TRIO: variants seen among roughly 807,000 people sequenced by gnomAD.
TRIO encodes the protein trio Rho guanine nucleotide exchange factor, also known as triple functional domain protein.
A neutral mutation model predicts 351.9 loss-of-function variants in TRIO; 58 were observed. The observed-to-expected ratio is 0.16, with a 90% CI of 0.13 to 0.21. The LOEUF is 0.21. Among genes scored for constraint, TRIO ranks in the 10% least tolerant of loss-of-function variants. The probability of loss-of-function intolerance (pLI) is 1.00; values close to 1 mark genes in which losing one functional copy is unlikely to be tolerated. For synonymous variants in TRIO, 1,758 were observed against 1,595.7 expected, an observed-to-expected ratio of 1.10 and a Z score of -2.42; for missense variants, 3,201 against 4,027.8, an observed-to-expected ratio of 0.79 and a Z score of 5.56.
At chr5:14,496,394 C>T (rs551972049) in intron 49 of TRIO, among the ~76,000 whole-genome samples, 2 of 152,160 alleles carry the variant, frequency 1.3e-5, no homozygotes, top group African/African-American at 2.4e-5. Context: ...CCGGAGAGCA[C>T]GTGGTGCAGG....
In TRIO at chr5:14,509,679, C is replaced by T. The variant is rs1395534558; in HGVS notation, c.*1257C>T. The T allele has an allele frequency of 9.2e-6, 3 of 324,946 alleles. No individual in the cohort carries two copies. The highest frequency in any genetic ancestry group is 4.8e-5 in the Admixed American group (1 of 20,964). The allele number at this position is 324,946 out of a possible 1,614,324, so 20.1% of individuals were successfully genotyped here. ...TGAGCTTTTGGTAAGAAATAAAAGC[C>T]GATTAAGCACTGGCCGCCCCGCGGC... is the stretch of plus-strand genomic sequence containing the variant. On this transcript the variant is annotated 3_prime_UTR_variant, in exon 57 of 57. Transcript: ENST00000344204.
intron 20 of TRIO, 108 bp from the exon 21 acceptor site, chr5:14,381,022 G>A: frequency 1.4e-6 from 2 of 1,392,346 alleles, no homozygotes; most frequent in Non-Finnish European, 1.9e-6. Context: ...GCTTCTCGAT[G>A]CTGCCAGCCT....
intron 1 of TRIO, among the ~76,000 whole-genome samples, chr5:14,177,027 G>C (rs1789446748): frequency 6.6e-6 from 1 of 152,162 alleles, no homozygotes; most frequent in Non-Finnish European, 1.5e-5. Context: ...CAAACAACCT[G>C]TTTTCAAACA....
intron 1 of TRIO, among the ~76,000 whole-genome samples, chr5:14,204,083 A>G (rs1172017058): frequency 6.6e-6 from 1 of 152,234 alleles, no homozygotes; most frequent in Non-Finnish European, 1.5e-5. Flanking sequence ...TGAGCCTGTC[A>G]ATAGCCTAGA....
chr5:14,452,254 C>T (rs1310836406), intron 34 of TRIO, among the ~76,000 whole-genome samples: 2 of 152,246 alleles, frequency 1.3e-5, no homozygotes, highest in Non-Finnish European at 2.9e-5. Context: ...TTCGTCGTCT[C>T]GCCGCTCTGC....
chr5:14,393,048 A>AAAAG (rs973560742), intron 27 of TRIO, among the ~76,000 whole-genome samples: 1 of 142,514 alleles, frequency 7.0e-6, no homozygotes, highest in African/African-American at 3.1e-5. Context: ...CTCCATCTCA[A>AAAAG]AAAGAAAGAA....
chr5:14,417,152 T>G (rs536399733), intron 33 of TRIO, among the ~76,000 whole-genome samples: 2 of 152,356 alleles, frequency 1.3e-5, no homozygotes, highest in South Asian at 4.1e-4. Context: ...CCTCTGCCTT[T>G]GAGCTTTTAA....
intron 34 of TRIO, among the ~76,000 whole-genome samples, chr5:14,428,942 ACT>A (rs1750870118): frequency 6.6e-6 from 1 of 151,984 alleles, no homozygotes; most frequent in South Asian, 2.1e-4. Flanking sequence ...CCTGCCTCTC[ACT>A]CTCTGGAGAC....
intron 10 of TRIO, among the ~76,000 whole-genome samples, chr5:14,336,137 G>A (rs926959068): frequency 9.9e-5 from 15 of 152,246 alleles, no homozygotes; most frequent in South Asian, 6.2e-4. Context: ...TGTATCATAC[G>A]GAAAGACATA....
intron 48 of TRIO, among the ~76,000 whole-genome samples, chr5:14,491,723 G>C (rs1289623514): frequency 6.6e-6 from 1 of 152,150 alleles, no homozygotes; most frequent in African/African-American, 2.4e-5. Context: ...CCTGCTGCAT[G>C]TCAGCCCTGT....
Position 14,471,349 on chromosome 5 carries a change from T to G in TRIO, c.5795T>G (p.Val1932Gly). 6.2e-7 allele frequency: 1 copy of G among 1,614,130 alleles called. No homozygotes were observed. Among genetic ancestry groups the G allele is most frequent in the Non-Finnish European group, 8.5e-7 (1 of 1,180,006 alleles). Reference sequence around the variant, plus strand: ...GAGGATCGCCCCAGCTCACTCCTTGTTGACCAGGGAGATAGTAGCAGCCCT... The same window carrying G: ...GAGGATCGCCCCAGCTCACTCCTTGGTGACCAGGGAGATAGTAGCAGCCCT... Reference protein sequence around the residue: ...ALEDRPSSLLVDQGDSSSPSF... With the variant: ...ALEDRPSSLLGDQGDSSSPSF... The change falls in exon 38 of 57, where the codon GTT becomes GGT. Residue 1932 changes from valine to glycine, a missense_variant. Transcript: ENST00000344204.
intron 34 of TRIO, among the ~76,000 whole-genome samples, chr5:14,458,809 C>T (rs989381308): frequency 1.3e-5 from 2 of 152,234 alleles, no homozygotes; most frequent in Admixed American, 1.3e-4. Flanking sequence ...GTGTCTACCT[C>T]ATTTGCATTT....
At chr5:14,212,787 T>C (rs1791987069) in intron 1 of TRIO, among the ~76,000 whole-genome samples, 1 of 152,216 alleles carries the variant, frequency 6.6e-6, no homozygotes, top group Admixed American at 6.5e-5. Context: ...TTTTTTAATT[T>C]ACACATTGAA....
intron 18 of TRIO, among the ~76,000 whole-genome samples, chr5:14,373,223 G>C (rs767547430): frequency 2.0e-5 from 3 of 152,160 alleles, no homozygotes; most frequent in Non-Finnish European, 4.4e-5. Flanking sequence ...GATGACATTT[G>C]GGTGGGAACA....
intron 34 of TRIO, among the ~76,000 whole-genome samples, chr5:14,435,654 G>C (rs1751522975): frequency 6.6e-6 from 1 of 152,148 alleles, no homozygotes; most frequent in Non-Finnish European, 1.5e-5. Flanking sequence ...TATAAGAGCT[G>C]TCCCTCTGCC....
intron 34 of TRIO, among the ~76,000 whole-genome samples, chr5:14,423,309 ACT>A (rs1185845962): frequency 5.3e-5 from 8 of 151,156 alleles, no homozygotes; most frequent in Non-Finnish European, 1.0e-4. Flanking sequence ...ACCTCCCTTC[ACT>A]CTCTTCCACT....
At chr5:14,328,347 C>T (rs1263972014) in intron 9 of TRIO, among the ~76,000 whole-genome samples, 1 of 152,220 alleles carries the variant, frequency 6.6e-6, no homozygotes, top group Non-Finnish European at 1.5e-5. Flanking sequence ...ACTGAATACG[C>T]TTGTTAAAAC....
In TRIO at chr5:14,396,129, A is replaced by G. The variant is rs192412482; in HGVS notation, c.4312-914A>G. On this transcript the variant is annotated intron_variant, in intron 28 of 56. Coordinates refer to ENST00000344204, the MANE Select transcript of TRIO (RefSeq NM_007118.4). ...CCTGTTATCATTCATTTAATAACGG[A>G]TGTTTCTCTAAATGGCTTTGCAATG... Among the ~76,000 whole-genome samples, 172 of 151,366 alleles carry G rather than the reference A, an allele frequency of 1.1e-3. 3 individuals carry two copies. Among genetic ancestry groups the G allele is most frequent in the Admixed American group, 0.011 (172 of 15,194 alleles).
intron 1 of TRIO, among the ~76,000 whole-genome samples, chr5:14,270,167 A>G (rs1220738713): frequency 2.0e-5 from 3 of 152,136 alleles, no homozygotes; most frequent in African/African-American, 7.2e-5. Context: ...CTTCTAAGAT[A>G]TTGGGAGCAG....
Sources: gnomAD v4.1 joint callset for allele counts (sites outside exome capture counted in the v4.1 genomes callset) on GRCh38, gnomAD v4.1.1 for gene constraint, MANE v1.5 for transcripts, NCBI Gene and HGNC (gene_info 2026-07-23, HGNC 2026-07-21) for gene names.